MAN1A1: variants seen among roughly 807,000 people sequenced by gnomAD.
The protein encoded by MAN1A1 is mannosidase alpha class 1A member 1, also known as mannosyl-oligosaccharide 1,2-alpha-mannosidase IA.
MAN1A1 carries 29 observed loss-of-function variants against 70.8 expected under a neutral mutation model. The observed-to-expected ratio is 0.41, with a 90% CI of 0.31 to 0.56. The LOEUF is 0.56. Ranked by LOEUF, MAN1A1 falls within the 20% of genes least tolerant of loss-of-function variation. The pLI is 0.29. For synonymous variants in MAN1A1, 349 were observed against 330.1 expected (o/e 1.06, Z -0.62); for missense variants, 747 against 841.3 (o/e 0.89, Z 1.39).
intron 1 of MAN1A1, 71 bp downstream of exon 1, chr6:119,349,471 G>A (rs1238268867): frequency 3.2e-6 from 3 of 947,648 alleles, no homozygotes; most frequent in Non-Finnish European, 3.8e-6. Context: ...GGTCCCGTGG[G>A]TAGGGGAGGG....
intron 2 of MAN1A1, among the ~76,000 whole-genome samples, chr6:119,313,194 C>G (rs534196646): frequency 1.8e-4 from 27 of 152,286 alleles, no homozygotes; most frequent in Admixed American, 1.2e-3. Flanking sequence ...GATGTGACTC[C>G]GCCTTCACAA....
intron 2 of MAN1A1, among the ~76,000 whole-genome samples, chr6:119,341,780 C>T (rs779131051): frequency 3.3e-5 from 5 of 152,082 alleles, no homozygotes; most frequent in Admixed American, 6.5e-5. Flanking sequence ...TCACTTTACT[C>T]GATCTCTCTC....
intron 2 of MAN1A1, among the ~76,000 whole-genome samples, chr6:119,321,529 C>T (rs1773004476): frequency 6.6e-6 from 1 of 152,098 alleles, no homozygotes; most frequent in Non-Finnish European, 1.5e-5. Flanking sequence ...CAGAAGGTCA[C>T]CTTCCCAACA....
chr6:119,267,955 T>A (rs1465355091), intron 5 of MAN1A1, among the ~76,000 whole-genome samples: 3 of 152,010 alleles, frequency 2.0e-5, no homozygotes, highest in Non-Finnish European at 4.4e-5. Flanking sequence ...TTTGGCACAT[T>A]CTTCCTTCTG....
chr6:119,262,919 A>C (rs1462693285), intron 5 of MAN1A1, among the ~76,000 whole-genome samples: 1 of 152,202 alleles, frequency 6.6e-6, no homozygotes, highest in African/African-American at 2.4e-5. Flanking sequence ...CGTTTGAATC[A>C]GTGGGCTGGG....
intron 6 of MAN1A1, among the ~76,000 whole-genome samples, chr6:119,220,338 TG>T (rs113687707): frequency 0.37 from 56,063 of 151,916 alleles, 10,834 homozygotes; most frequent in Non-Finnish European, 0.4. Flanking sequence ...TTTTACTTGG[TG>T]AGTTTAAAGA....
chr6:119,209,374 T>C (rs1441625094), intron 6 of MAN1A1, among the ~76,000 whole-genome samples: 1 of 152,240 alleles, frequency 6.6e-6, no homozygotes, highest in Non-Finnish European at 1.5e-5. Context: ...GTTTGAATAA[T>C]TTCTGAGCTG....
At chr6:119,256,457 G>T (rs1398433533) in intron 5 of MAN1A1, among the ~76,000 whole-genome samples, 4 of 145,392 alleles carry the variant, frequency 2.8e-5, no homozygotes, top group Non-Finnish European at 6.0e-5. Flanking sequence ...TCATTCCCTA[G>T]TTCCTGAATA....
In MAN1A1 at chr6:119,271,258, A is replaced by G. The variant is rs116362256; in HGVS notation, c.897+19425T>C. The stretch of plus-strand genomic sequence containing the variant: ...GTGAACTTGAATGTTAGTGTATCAT[A>G]GTTCTAGAAAAATGGATTTAAAGGA... On this transcript the variant is annotated intron_variant, in intron 5 of 12. Transcript: ENST00000368468. 4.8e-3 allele frequency among the ~76,000 whole-genome samples: 731 copies of G among 152,326 alleles called. 4 individuals carry two copies. The highest frequency in any genetic ancestry group is 0.017 in the African/African-American group (691 of 41,576).
chr6:119,311,618 T>C (rs777980505), intron 2 of MAN1A1, among the ~76,000 whole-genome samples: 1 of 151,936 alleles, frequency 6.6e-6, no homozygotes, highest in Non-Finnish European at 1.5e-5. Flanking sequence ...GAGTGGTGCT[T>C]TGTACAGGGT....
At chr6:119,320,717 C>T (rs1772981944) in intron 2 of MAN1A1, among the ~76,000 whole-genome samples, 1 of 151,914 alleles carries the variant, frequency 6.6e-6, no homozygotes, top group Non-Finnish European at 1.5e-5. Context: ...AGTTTTTCTC[C>T]ACTTTCTTTG....
chr6:119,181,991 C>A (rs181672304), intron 11 of MAN1A1, among the ~76,000 whole-genome samples: 28 of 152,258 alleles, frequency 1.8e-4, no homozygotes, highest in African/African-American at 6.5e-4. Context: ...ATTTTCATTG[C>A]CACCAACAGT....
chr6:119,198,804 A>G (rs963208489), intron 8 of MAN1A1, among the ~76,000 whole-genome samples: 1 of 152,236 alleles, frequency 6.6e-6, no homozygotes, highest in Non-Finnish European at 1.5e-5. Context: ...AAGACAAGTC[A>G]GCCTCACACA....
intron 11 of MAN1A1, among the ~76,000 whole-genome samples, chr6:119,187,538 CTAAGA>C (rs1029169697): frequency 3.9e-5 from 6 of 152,100 alleles, no homozygotes; most frequent in African/African-American, 1.4e-4. Flanking sequence ...CGATGGCTTC[CTAAGA>C]TATTAGTTAA....
chr6:119,346,988 G>A (rs913177006), intron 2 of MAN1A1, among the ~76,000 whole-genome samples: 1 of 152,214 alleles, frequency 6.6e-6, no homozygotes, highest in Non-Finnish European at 1.5e-5. Context: ...GGATTTCATG[G>A]AGAAAGGAAA....
At chr6:119,208,894 A>G (rs10872173) in intron 6 of MAN1A1, among the ~76,000 whole-genome samples, 56,076 of 151,818 alleles carry the variant, frequency 0.37, 10,855 homozygotes, top group Non-Finnish European at 0.4. Context: ...CAGGAGTTCG[A>G]GACCAGCCTG....
At chr6:119,303,417 G>C (rs1361543587) in intron 3 of MAN1A1, among the ~76,000 whole-genome samples, 3 of 152,160 alleles carry the variant, frequency 2.0e-5, no homozygotes, top group Non-Finnish European at 4.4e-5. Flanking sequence ...GAGTAGTTTA[G>C]CTTCAAAACG....
At chr6:119,271,402 T>G (rs748131219) in intron 5 of MAN1A1, among the ~76,000 whole-genome samples, 9 of 152,288 alleles carry the variant, frequency 5.9e-5, no homozygotes, top group Non-Finnish European at 4.4e-5. Context: ...GAAACCAGAA[T>G]TCTAGATTCT....
At chr6:119,199,617 T>C (rs930274000) in intron 8 of MAN1A1, among the ~76,000 whole-genome samples, 5 of 151,688 alleles carry the variant, frequency 3.3e-5, no homozygotes, top group Admixed American at 3.3e-4. Context: ...CTATTAAGAA[T>C]ACAATGGGGG....
Sources: allele counts gnomAD v4.1 joint callset (sites outside exome capture counted in the v4.1 genomes callset), GRCh38; gene constraint gnomAD v4.1.1; transcripts MANE v1.5; gene names NCBI Gene and HGNC (gene_info 2026-07-23, HGNC 2026-07-21).